Variants in BTBD9 observed in about 807,000 individuals in gnomAD.
BTBD9 encodes the protein BTB/POZ domain-containing protein 9.
BTBD9 carries 49 observed loss-of-function variants against 64.3 expected under a neutral mutation model. The observed-to-expected ratio is 0.76, with a 90% CI of 0.61 to 0.97. The LOEUF (loss-of-function observed/expected upper bound fraction) is 0.97. Ranked by LOEUF, BTBD9 falls within the 50% of genes least tolerant of loss-of-function variation. The probability of loss-of-function intolerance (pLI) is 0.00; values close to 1 mark genes in which losing one functional copy is unlikely to be tolerated. For missense variants in BTBD9, 598 were observed against 762.1 expected (o/e 0.78, Z 2.53); for synonymous variants, 260 against 274.7 (o/e 0.95, Z 0.53).
intron 9 of BTBD9, among the ~76,000 whole-genome samples, chr6:38,235,982 C>T (rs1223775223): frequency 1.3e-5 from 2 of 152,150 alleles, no homozygotes; most frequent in African/African-American, 2.4e-5. Context: ...AAAGGGTAGG[C>T]TTTATCAGCT....
chr6:38,367,799 CAAAAAAA>C lies in BTBD9; in HGVS notation c.1155-22713_1155-22707del, dbSNP rs575025737. Among the ~76,000 whole-genome samples, 49 of 84,328 alleles carry C rather than the reference CAAAAAAA, an allele frequency of 5.8e-4. 1 individual carries two copies. Among genetic ancestry groups the C allele is most frequent in the African/African-American group, 1.4e-3 (32 of 22,722 alleles). The allele number at this position is 84,328 out of a possible 152,430, so 55.3% of individuals were successfully genotyped here. A position where few individuals can be genotyped will look rare whatever the true frequency, so the allele number is the denominator to read the frequency against. Reference sequence around the variant, plus strand: ...TGCAAGAGTGTTGCACCAGAAATGGCAAAAAAAAAAAAAAAAAAAAAAAAAAAAAAAA... The same window carrying C: ...TGCAAGAGTGTTGCACCAGAAATGGCAAAAAAAAAAAAAAAAAAAAAAAAA... On this transcript the variant is annotated intron_variant, in intron 6 of 10. Coordinates refer to ENST00000481247, the MANE Select transcript of BTBD9 (RefSeq NM_001099272.2).
At chr6:38,456,678 C>A (rs1044781677) in intron 6 of BTBD9, among the ~76,000 whole-genome samples, 7 of 152,004 alleles carry the variant, frequency 4.6e-5, no homozygotes. Flanking sequence ...CAAATATTTG[C>A]CCTCTTTTCT....
chr6:38,591,729 T>C (rs1216274450), intron 4 of BTBD9, among the ~76,000 whole-genome samples: 1 of 152,210 alleles, frequency 6.6e-6, no homozygotes, highest in East Asian at 1.9e-4. Flanking sequence ...TTAAATCGTG[T>C]AGGACCTGTT....
chr6:38,347,812 C>T (rs1455315042), intron 6 of BTBD9, among the ~76,000 whole-genome samples: 1 of 152,130 alleles, frequency 6.6e-6, no homozygotes, highest in Non-Finnish European at 1.5e-5. Context: ...TCCTGGCTAA[C>T]ACGGTGAAAC....
chr6:38,609,719 G>C (rs77369799), intron 1 of BTBD9, among the ~76,000 whole-genome samples: 132 of 152,264 alleles, frequency 8.7e-4, no homozygotes, highest in African/African-American at 3.1e-3. Flanking sequence ...CCTCAGTTTT[G>C]AACAACATTC....
intron 7 of BTBD9, among the ~76,000 whole-genome samples, chr6:38,299,048 T>C (rs1001921303): frequency 6.6e-6 from 1 of 152,122 alleles, no homozygotes; most frequent in African/African-American, 2.4e-5. Flanking sequence ...GATGTTCCCC[T>C]TCCTGTGTCC....
intron 9 of BTBD9, among the ~76,000 whole-genome samples, chr6:38,198,876 ACTGTCT>A (rs1762359117): frequency 6.6e-6 from 1 of 152,202 alleles, no homozygotes; most frequent in Non-Finnish European, 1.5e-5. Flanking sequence ...AGGAGGTATG[ACTGTCT>A]CTCTGCATCG....
At chr6:38,290,428 G>A (rs1202147186) in intron 7 of BTBD9, among the ~76,000 whole-genome samples, 2 of 151,658 alleles carry the variant, frequency 1.3e-5, no homozygotes, top group African/African-American at 4.8e-5. Context: ...GAAAGGAAGT[G>A]GTATAAGATG....
intron 6 of BTBD9, among the ~76,000 whole-genome samples, chr6:38,347,490 A>G (rs1003425956): frequency 6.6e-6 from 1 of 152,220 alleles, no homozygotes; most frequent in Non-Finnish European, 1.5e-5. Context: ...CTAGAAAAAA[A>G]TTGTAGCATA....
intron 6 of BTBD9, among the ~76,000 whole-genome samples, chr6:38,464,970 G>A (rs1392903649): frequency 2.6e-5 from 4 of 152,126 alleles, no homozygotes; most frequent in South Asian, 2.1e-4. Flanking sequence ...AAAGCCATCT[G>A]AGCCTGGTGT....
intron 7 of BTBD9, among the ~76,000 whole-genome samples, chr6:38,300,578 C>T (rs1762350326): frequency 6.6e-6 from 1 of 152,078 alleles, no homozygotes; most frequent in Non-Finnish European, 1.5e-5. Context: ...CCTTCACATC[C>T]CTTGTAAGTT....
intron 1 of BTBD9, among the ~76,000 whole-genome samples, chr6:38,611,619 T>A (rs1304691044): frequency 6.6e-6 from 1 of 152,114 alleles, no homozygotes; most frequent in Non-Finnish European, 1.5e-5. Context: ...CTTCCCGGTG[T>A]CCCATAAGGA....
intron 9 of BTBD9, among the ~76,000 whole-genome samples, chr6:38,216,497 T>C (rs1304711285): frequency 1.3e-5 from 2 of 152,188 alleles, no homozygotes; most frequent in Non-Finnish European, 2.9e-5. Flanking sequence ...TCTTAGACGT[T>C]AGAATTCCCA....
At chr6:38,498,572 G>A (rs932380295) in intron 6 of BTBD9, among the ~76,000 whole-genome samples, 7 of 151,848 alleles carry the variant, frequency 4.6e-5, no homozygotes, top group South Asian at 2.1e-4. Flanking sequence ...CTCATAGCTC[G>A]TTGGCCTGGG....
chr6:38,295,302 C>T (rs1762118026), intron 7 of BTBD9, among the ~76,000 whole-genome samples: 1 of 151,782 alleles, frequency 6.6e-6, no homozygotes, highest in Non-Finnish European at 1.5e-5. Context: ...GTAGCTGGAA[C>T]CATAGGCAGG....
chr6:38,528,561 T>C, intron 6 of BTBD9, among the ~76,000 whole-genome samples: 1 of 152,160 alleles, frequency 6.6e-6, no homozygotes, highest in Non-Finnish European at 1.5e-5. Flanking sequence ...GAAGAGTATT[T>C]TGTCTTAACA....
rs967605678 is a variant in BTBD9, at chr6:38,509,203, T to C, written c.1154+68397A>G. 4.6e-5 allele frequency among the ~76,000 whole-genome samples: 7 copies of C among 152,350 alleles called. No homozygotes were observed. In the South Asian group the frequency reaches 1.5e-3, roughly 32 times the overall value. The stretch of plus-strand genomic sequence containing the variant: ...AATAGGGGGAAGGGGGAAATGATTA[T>C]ACATTTAAAATAATCCTCAAGAACA... On this transcript the variant is annotated intron_variant, in intron 6 of 10. Coordinates refer to ENST00000481247, the MANE Select transcript of BTBD9 (RefSeq NM_001099272.2).
chr6:38,461,779 C>G (rs1770097394), intron 6 of BTBD9, among the ~76,000 whole-genome samples: 1 of 152,160 alleles, frequency 6.6e-6, no homozygotes, highest in African/African-American at 2.4e-5. Context: ...AGATTCCCAC[C>G]AACAGAGCAG....
intron 6 of BTBD9, among the ~76,000 whole-genome samples, chr6:38,406,690 C>G (rs550570641): frequency 2.6e-5 from 4 of 152,170 alleles, no homozygotes; most frequent in Admixed American, 6.5e-5. Context: ...CATCTGAAAT[C>G]AATAATCACC....
Sources: gnomAD v4.1 joint callset for allele counts (sites outside exome capture counted in the v4.1 genomes callset) on GRCh38, gnomAD v4.1.1 for gene constraint, MANE v1.5 for transcripts, NCBI Gene and HGNC (gene_info 2026-07-23, HGNC 2026-07-21) for gene names.